EIF4G2: variants seen among roughly 807,000 people sequenced by gnomAD.
EIF4G2 encodes the protein DAP-5.
A neutral mutation model predicts 117.7 loss-of-function variants in EIF4G2; 8 were observed. That is an observed-to-expected ratio of 0.07 (90% CI 0.04 to 0.12). The LOEUF is 0.12. EIF4G2 is among the 10% of genes least tolerant of loss of function. The pLI is 1.00. For synonymous variants in EIF4G2, 413 were observed against 367.8 expected (o/e 1.12, Z -1.41); for missense variants, 812 against 1,086.2 (o/e 0.75, Z 3.55).
Position 10,803,182 on chromosome 11 carries a change from A to C in EIF4G2, c.897+29T>G. 6.2e-7 allele frequency: 1 copy of C among 1,608,474 alleles called. No individual in the cohort carries two copies. ...TATTCCTAAACCAAAAACTCAGCTT[A>C]CCAACAAATTTAAAGAAACCAGTAT... On this transcript the variant is annotated intron_variant, in intron 10 of 21. Transcript: ENST00000339995. This position sits in a 1 kb window ranked among gnomAD's most constrained non-coding sequence, Gnocchi z 4.0.
At chr11:10,801,560 C>T (rs998543371) in intron 14 of EIF4G2, 101 bp downstream of exon 14, 2 of 1,046,132 alleles carry the variant, frequency 1.9e-6, no homozygotes, top group African/African-American at 3.1e-5. Flanking sequence ...GTCAAGAACT[C>T]CAGCATAAAG....
chr11:10,804,186 T>C lies in EIF4G2; in HGVS notation c.501A>G (p.Leu167=), dbSNP rs771206638. 15 of 1,614,096 alleles carry C rather than the reference T, an allele frequency of 9.3e-6. No individual in the cohort carries two copies. The highest frequency in any genetic ancestry group is 6.6e-5 in the South Asian group (6 of 91,090). The change falls in exon 7 of 22, where the codon CTA becomes CTG. Residue 167 remains leucine, a synonymous_variant. Transcript: ENST00000339995. ...CAAATTCATCTTGTAATTTGGAAAT[T>C]AGGAGGCGTCTGAATGTCTGGAAAA...
intron 2 of EIF4G2, 105 bp from the exon 3 acceptor site, chr11:10,806,990 G>A (rs1029892753): frequency 1.7e-5 from 24 of 1,372,740 alleles, no homozygotes; most frequent in Admixed American, 3.6e-5. Flanking sequence ...TGGGGGTCTC[G>A]CTATTTTGCC....
intron 11 of EIF4G2, 42 bp from the exon 12 acceptor site, chr11:10,802,477 CTA>C (rs1346277722): frequency 2.0e-6 from 3 of 1,498,548 alleles, no homozygotes; most frequent in Admixed American, 4.9e-5. Flanking sequence ...TCTCTGGACA[CTA>C]TTTCACTTAA....
chr11:10,800,376 AG>A, intron 17 of EIF4G2, 28 bp from the exon 18 acceptor site: 1 of 1,612,612 alleles, frequency 6.2e-7, no homozygotes, highest in South Asian at 1.1e-5. Context: ...ACAGTTTATC[AG>A]TTTTCGAATT....
intron 13 of EIF4G2, 90 bp downstream of exon 13, chr11:10,801,959 T>A: frequency 2.1e-6 from 1 of 477,904 alleles, no homozygotes; most frequent in Non-Finnish European, 2.4e-6. Context: ...ATTTTACTAA[T>A]ACTTTACTAA....
intron 21 of EIF4G2, among the ~76,000 whole-genome samples, chr11:10,798,139 C>T (rs559677740): frequency 2.6e-4 from 39 of 152,258 alleles, no homozygotes; most frequent in African/African-American, 9.1e-4. Flanking sequence ...GCTGCAGGAC[C>T]AATGTTTCTC....
At chr11:10,801,282 A>G in intron 14 of EIF4G2, 195 bp from the exon 15 acceptor site, 1 of 661,434 alleles carries the variant, frequency 1.5e-6, no homozygotes. Flanking sequence ...TACAGTAGTA[A>G]GATACTATTA....
At chr11:10,807,098 T>G in intron 2 of EIF4G2, 157 bp downstream of exon 2, 1 of 1,238,682 alleles carries the variant, frequency 8.1e-7, no homozygotes, top group South Asian at 1.5e-5. Context: ...TGATTTTATT[T>G]ATTCTTCAGA....
chr11:10,806,951 T>C, intron 2 of EIF4G2, 66 bp from the exon 3 acceptor site: 1 of 1,565,970 alleles, frequency 6.4e-7, no homozygotes, highest in Non-Finnish European at 8.8e-7. Context: ...AATAAGCATC[T>C]ATTTTGTGTT....
At chr11:10,798,870 G>C (rs1020648391) in intron 21 of EIF4G2, 122 bp downstream of exon 21, 10 of 1,146,008 alleles carry the variant, frequency 8.7e-6, no homozygotes, top group Non-Finnish European at 1.2e-5. Context: ...GAAATGTACA[G>C]GTGAAGACAA....
intron 1 of EIF4G2, chr11:10,807,911 G>A (rs1207703757): frequency 8.9e-6 from 9 of 1,015,102 alleles, no homozygotes; most frequent in Non-Finnish European, 1.1e-5. Context: ...GCCACAACAT[G>A]GCAGCAGGAA....
intron 1 of EIF4G2, chr11:10,808,118 C>A: frequency 1.9e-6 from 2 of 1,049,780 alleles, no homozygotes; most frequent in Non-Finnish European, 2.3e-6. Context: ...TCCTGCCCAC[C>A]CGCCGCCTCC....
intron 4 of EIF4G2, among the ~76,000 whole-genome samples, chr11:10,805,670 C>T (rs1237086416): frequency 6.6e-6 from 1 of 152,060 alleles, no homozygotes; most frequent in African/African-American, 2.4e-5. Context: ...CCAGGCTGGT[C>T]TCAAACTCCT....
Position 10,802,106 on chromosome 11 carries a change from G to C in EIF4G2, c.1242C>G (p.Ile414Met). ...CAAACTGCGATTGTGTGGGAGGCAT[G>C]ATGTGTCCCCCATGGCCATTGAAGA... is the stretch of plus-strand genomic sequence containing the variant. The change falls in exon 13 of 22, where the codon ATC (isoleucine) becomes ATG (methionine). Residue 414 changes from isoleucine to methionine, a missense_variant. Transcript: ENST00000339995. The C allele has an allele frequency of 1.1e-5, 13 of 1,152,470 alleles. No individual in the cohort carries two copies. The highest frequency in any genetic ancestry group is 1.4e-5 in the Non-Finnish European group (13 of 918,056). 71.4% of individuals were successfully genotyped at this position (1,152,470 alleles called of 1,614,324 possible).
intron 13 of EIF4G2, 70 bp from the exon 14 acceptor site, chr11:10,801,844 AG>A (rs2135411313): frequency 7.0e-7 from 1 of 1,436,412 alleles, no homozygotes; most frequent in South Asian, 1.2e-5. Flanking sequence ...CAAGTACCAA[AG>A]GGATGAGCCA....
Position 10,803,638 on chromosome 11 carries a change from T to G in EIF4G2, c.703-48A>C. 6.7e-7 allele frequency: 1 copy of G among 1,490,302 alleles called. No homozygotes were observed. Among genetic ancestry groups the G allele is most frequent in the Non-Finnish European group, 9.3e-7 (1 of 1,073,134 alleles). The allele number at this position is 1,490,302 out of a possible 1,614,324, so 92.3% of individuals were successfully genotyped here. On this transcript the variant is annotated intron_variant, in intron 8 of 21. Transcript: ENST00000339995. This position sits in a 1 kb window ranked among gnomAD's most constrained non-coding sequence, Gnocchi z 4.0. ...TGACAAAGTTTTAGTTACTCTGGTTTAGGCGTAGTACTTTCTTTCCCTTTA... is the reference window on the plus strand; with the variant it reads ...TGACAAAGTTTTAGTTACTCTGGTTGAGGCGTAGTACTTTCTTTCCCTTTA...
intron 1 of EIF4G2, 117 bp downstream of exon 1, chr11:10,808,588 G>A (rs1302504268): frequency 7.9e-6 from 7 of 882,706 alleles, no homozygotes; most frequent in East Asian, 1.2e-4. Flanking sequence ...TGCTAAAAAA[G>A]GGTCGCCCCA....
intron 5 of EIF4G2, 150 bp from the exon 6 acceptor site, chr11:10,804,568 G>T: frequency 9.9e-7 from 1 of 1,010,468 alleles, no homozygotes; most frequent in Non-Finnish European, 1.4e-6. Context: ...CCATCTCCTG[G>T]GAGTCAGAAA....
Sources: allele counts gnomAD v4.1 joint callset (sites outside exome capture counted in the v4.1 genomes callset), GRCh38; gene constraint gnomAD v4.1.1; non-coding constraint Gnocchi (gnomAD v3.1); transcripts MANE v1.5; gene names NCBI Gene and HGNC (gene_info 2026-07-23, HGNC 2026-07-21).